PCDHA13: variants seen among roughly 807,000 people sequenced by gnomAD.
PCDHA13 encodes the protein protocadherin alpha-13.
Under a neutral mutation model 64.8 loss-of-function variants are expected in PCDHA13, and 54 were observed. The observed-to-expected ratio is 0.83, with a 90% CI of 0.67 to 1.04. The LOEUF (loss-of-function observed/expected upper bound fraction) is 1.04. Among genes scored for constraint, PCDHA13 ranks in the 50% least tolerant of loss-of-function variants. The probability of loss-of-function intolerance (pLI) is 0.00; values close to 1 mark genes in which losing one functional copy is unlikely to be tolerated. For synonymous variants in PCDHA13, 587 were observed against 564.4 expected (o/e 1.04, Z -0.57); for missense variants, 1,248 against 1,254.3 (o/e 0.99, Z 0.08).
rs1169981457 is a variant in PCDHA13, at chr5:140,955,139, G to GT, written c.2395-23805dup. ...TTCTGTTCCACTGGTCTACACGTCT[G>GT]TTTTTGTACCAGTACCGTGCTGTTT... On this transcript the variant is annotated intron_variant, in intron 1 of 3. Coordinates refer to ENST00000289272, the MANE Select transcript of PCDHA13 (RefSeq NM_018904.3). Among the ~76,000 whole-genome samples the GT allele has an allele frequency of 2.0e-5, 3 of 152,138 alleles. No homozygotes were observed. The East Asian group carries it at 5.8e-4, about 29-fold the overall frequency.
intron 1 of PCDHA13, among the ~76,000 whole-genome samples, chr5:140,887,536 C>G (rs2153420652): frequency 6.6e-6 from 1 of 152,238 alleles, no homozygotes; most frequent in African/African-American, 2.4e-5. Context: ...CTTCCTCTCC[C>G]CACCCCTCAT....
Position 140,883,553 on chromosome 5 carries a change from G to A in PCDHA13, c.1285G>A (p.Asp429Asn), listed in dbSNP as rs782158028. The A allele has an allele frequency of 4.3e-6, 7 of 1,614,122 alleles. No individual in the cohort carries two copies. In the South Asian group the frequency reaches 7.7e-5, roughly 18 times the overall value. The change falls in exon 1 of 4, where the codon GAC becomes AAC. Residue 429 changes from aspartate to asparagine, a missense_variant. Transcript: ENST00000289272. ...SAYELVVTAR[D>N]GGSPSLWATA... The stretch of plus-strand genomic sequence containing the variant: ...CTATGAACTGGTGGTGACCGCGCGG[G>A]ACGGGGGCTCGCCTTCGCTGTGGGC...
chr5:140,959,055 C>A (rs2095463398), intron 1 of PCDHA13, among the ~76,000 whole-genome samples: 1 of 151,914 alleles, frequency 6.6e-6, no homozygotes, highest in African/African-American at 2.4e-5. Flanking sequence ...GGAAAAAATG[C>A]AGTATATATA....
intron 1 of PCDHA13, among the ~76,000 whole-genome samples, chr5:140,917,830 G>A (rs2078377355): frequency 6.6e-6 from 1 of 151,722 alleles, no homozygotes; most frequent in Admixed American, 6.6e-5. Flanking sequence ...GTAGTGTGAT[G>A]TCCTTCTTGT....
chr5:140,969,190 T>C, intron 1 of PCDHA13: 2 of 1,614,072 alleles, frequency 1.2e-6, no homozygotes, highest in Non-Finnish European at 1.7e-6. Flanking sequence ...CTTTCATGTT[T>C]TACAATACAG....
At chr5:140,928,356 C>A in intron 1 of PCDHA13, 1 of 1,614,176 alleles carries the variant, frequency 6.2e-7, no homozygotes, top group South Asian at 1.1e-5. Context: ...TGGATGTTAT[C>A]TCTGAAGGGC....
Position 140,929,287 on chromosome 5 carries a change from C to T in PCDHA13, c.2394+44625C>T, listed in dbSNP as rs782325052. On this transcript the variant is annotated intron_variant, in intron 1 of 3. Transcript: ENST00000289272. The stretch of plus-strand genomic sequence containing the variant: ...TTTGCCAATATCCTGTATTCAGATT[C>T]GGAATAGGAAAGGGGATCACGCTAA... 13 of 1,598,668 alleles carry T rather than the reference C, an allele frequency of 8.1e-6. No homozygotes were observed. In the East Asian group the frequency reaches 2.5e-4, roughly 30 times the overall value.
chr5:140,965,879 G>C (rs920261632), intron 1 of PCDHA13, among the ~76,000 whole-genome samples: 1 of 152,216 alleles, frequency 6.6e-6, no homozygotes, highest in Non-Finnish European at 1.5e-5. Flanking sequence ...ACTTGGCCGA[G>C]AGCAGAATTG....
At chr5:140,958,925 G>T (rs980567381) in intron 1 of PCDHA13, among the ~76,000 whole-genome samples, 1 of 144,748 alleles carries the variant, frequency 6.9e-6, no homozygotes, top group African/African-American at 2.6e-5. Flanking sequence ...GGGTGTGGTG[G>T]CTCATACTTG....
Position 140,969,016 on chromosome 5 carries a change from A to C in PCDHA13, c.2395-9933A>C. Reference sequence around the variant, plus strand: ...GTGGAGGCTTCTGTGGAGTAAGGGAAAGGTCCCCTGCAGAACTGTACAAAC... The same window carrying C: ...GTGGAGGCTTCTGTGGAGTAAGGGACAGGTCCCCTGCAGAACTGTACAAAC... On this transcript the variant is annotated intron_variant, in intron 1 of 3. Coordinates refer to ENST00000289272, the MANE Select transcript of PCDHA13 (RefSeq NM_018904.3). 6.2e-7 allele frequency: 1 copy of C among 1,614,172 alleles called. No homozygotes were observed. Among genetic ancestry groups the C allele is most frequent in the South Asian group, 1.1e-5 (1 of 91,072 alleles).
At chr5:140,939,672 A>T (rs573857311) in intron 1 of PCDHA13, among the ~76,000 whole-genome samples, 1 of 152,314 alleles carries the variant, frequency 6.6e-6, no homozygotes, top group Non-Finnish European at 1.5e-5. Context: ...ACCAACTTGT[A>T]TGTATGTGTG....
At chr5:141,000,385 CTCTCTCTCTCTATA>C (rs1173975015) in intron 3 of PCDHA13, among the ~76,000 whole-genome samples, 30 of 64,968 alleles carry the variant, frequency 4.6e-4, no homozygotes, top group African/African-American at 1.8e-3. Context: ...CTCTCTCTCT[CTCTCTCTCTCTATA>C]TATATATATA....
rs1458261257 is a variant in PCDHA13, at chr5:140,941,194, TCTTTCTTCCTTTCTTTCTTC to T, written c.2395-37747_2395-37728del. Among the ~76,000 whole-genome samples the T allele has an allele frequency of 1.9e-3, 217 of 112,428 alleles. 2 individuals carry two copies. Among genetic ancestry groups the T allele is most frequent in the African/African-American group, 6.9e-3 (195 of 28,326 alleles). 73.8% of individuals were successfully genotyped at this position (112,428 alleles called of 152,430 possible). A position where few individuals can be genotyped will look rare whatever the true frequency, so the allele number is the denominator to read the frequency against. On this transcript the variant is annotated intron_variant, in intron 1 of 3. Coordinates refer to ENST00000289272, the MANE Select transcript of PCDHA13 (RefSeq NM_018904.3). ...CTTGAACATCCTGCTTCTTTTTTTT[TCTTTCTTCCTTTCTTTCTTC>T]CTTTCTTTCTTTCTTTCTTTCTTTC...
chr5:140,967,838 G>A, intron 1 of PCDHA13: 1 of 1,614,124 alleles, frequency 6.2e-7, no homozygotes, highest in Non-Finnish European at 8.5e-7. Flanking sequence ...CATCGTGGAC[G>A]TGAATGACAA....
rs782067447 is a variant in PCDHA13, at chr5:140,884,137, C to T, written c.1869C>T (p.Arg623=). The part of the protein sequence containing the change: ...LAAVGARIPF[R]VGLYTGEIST... ...CGGTCGGCGCGCGCATCCCGTTCCG[C>T]GTGGGGCTGTACACTGGCGAGATCA... The change falls in exon 1 of 4, where the codon CGC becomes CGT. Residue 623 remains arginine (R), a synonymous_variant. Transcript: ENST00000289272. The T allele has an allele frequency of 2.5e-6, 4 of 1,613,402 alleles. No homozygotes were observed. The highest frequency in any genetic ancestry group is 1.7e-4 in the Middle Eastern group (1 of 6,060).
chr5:140,971,123 G>A (rs1305525231), intron 1 of PCDHA13, among the ~76,000 whole-genome samples: 1 of 152,182 alleles, frequency 6.6e-6, no homozygotes, highest in Non-Finnish European at 1.5e-5. Context: ...GTGGGCTACA[G>A]GTGGTGAAGA....
intron 1 of PCDHA13, among the ~76,000 whole-genome samples, chr5:140,897,305 G>T (rs952231570): frequency 6.6e-6 from 1 of 150,594 alleles, no homozygotes; most frequent in Non-Finnish European, 1.5e-5. Context: ...TTAGCATTAG[G>T]TATATCTCCT....
At chr5:140,928,639 G>A in intron 1 of PCDHA13, 1 of 1,614,218 alleles carries the variant, frequency 6.2e-7, no homozygotes, top group Non-Finnish European at 8.5e-7. Context: ...GGTCACAAAA[G>A]TGGTAGCAGA....
Position 140,967,279 on chromosome 5 carries a change from T to G in PCDHA13, c.2395-11670T>G, listed in dbSNP as rs184476796. The G allele has an allele frequency of 7.8e-5, 126 of 1,613,002 alleles. 1 individual carries two copies. The East Asian group carries it at 2.6e-3, about 34-fold the overall frequency. On this transcript the variant is annotated intron_variant, in intron 1 of 3. Coordinates refer to ENST00000289272, the MANE Select transcript of PCDHA13 (RefSeq NM_018904.3). ...CTGGAGCGCGCTTTCACATAGAGAGTGCGCAGGACCCCGACGTGGGCGCCA... is the reference window on the plus strand; with the variant it reads ...CTGGAGCGCGCTTTCACATAGAGAGGGCGCAGGACCCCGACGTGGGCGCCA...
Sources: gnomAD v4.1 joint callset for allele counts (sites outside exome capture counted in the v4.1 genomes callset) on GRCh38, gnomAD v4.1.1 for gene constraint, MANE v1.5 for transcripts, NCBI Gene and HGNC (gene_info 2026-07-23, HGNC 2026-07-21) for gene names.